The following ZNF148 variants were observed in gnomAD, a reference collection of about 807,000 sequenced individuals.
The protein encoded by ZNF148 is Beta-Enolase Repressor Factor-1.
ZNF148 carries 7 observed loss-of-function variants against 67.7 expected under a neutral mutation model. The observed-to-expected ratio is 0.10, with a 90% CI of 0.06 to 0.19. The LOEUF is 0.19. Among genes scored for constraint, ZNF148 ranks in the 10% least tolerant of loss-of-function variants. The pLI is 1.00. For synonymous variants in ZNF148, 333 were observed against 330.7 expected (o/e 1.01, Z -0.08); for missense variants, 583 against 947.1 (o/e 0.62, Z 5.05).
At position 125,347,645 on chromosome 3, in the gene ZNF148, G is replaced by A. The variant is rs187374990; in HGVS notation, c.-233-16407C>T. Among the ~76,000 whole-genome samples, 107 of 151,196 alleles carry A rather than the reference G, an allele frequency of 7.1e-4. 3 individuals are homozygous for A. In the East Asian group the frequency reaches 0.02, roughly 28 times the overall value. ...TGCAGTGGCACGATCTCAGCTCACT[G>A]CAAACTCCACCTCCTGGGTTCAAGT... is the stretch of plus-strand genomic sequence containing the variant. On this transcript the variant is annotated intron_variant, in intron 1 of 8. Coordinates refer to ENST00000360647, the MANE Select transcript of ZNF148 (RefSeq NM_021964.3).
At chr3:125,355,137 A>G (rs1273635987) in intron 1 of ZNF148, among the ~76,000 whole-genome samples, 2 of 152,204 alleles carry the variant, frequency 1.3e-5, no homozygotes, top group Non-Finnish European at 2.9e-5. Context: ...CTGTGTTCTA[A>G]TGTTCTAATA....
intron 1 of ZNF148, among the ~76,000 whole-genome samples, chr3:125,335,884 AAAGT>A (rs1490916238): frequency 1.3e-5 from 2 of 152,214 alleles, no homozygotes; most frequent in Admixed American, 6.5e-5. Flanking sequence ...TTTGCCTAGA[AAAGT>A]AAGATTGCTA....
intron 7 of ZNF148, among the ~76,000 whole-genome samples, chr3:125,250,845 C>T (rs1258523475): frequency 8.0e-6 from 1 of 124,280 alleles, no homozygotes; most frequent in Non-Finnish European, 1.7e-5. Context: ...TCTCTGTCAT[C>T]CCCATCCAGG....
At chr3:125,292,220 C>G (rs930946079) in intron 4 of ZNF148, among the ~76,000 whole-genome samples, 1 of 152,052 alleles carries the variant, frequency 6.6e-6, no homozygotes, top group African/African-American at 2.4e-5. Context: ...CTATATCTGT[C>G]CCGTTTGCCT....
At chr3:125,374,194 G>C (rs549427045) in intron 1 of ZNF148, among the ~76,000 whole-genome samples, 1 of 152,142 alleles carries the variant, frequency 6.6e-6, no homozygotes, top group African/African-American at 2.4e-5. Flanking sequence ...CTAATTCTCA[G>C]TGACCCCAAC....
At chr3:125,252,093 G>A (rs540222605) in intron 7 of ZNF148, among the ~76,000 whole-genome samples, 1 of 152,196 alleles carries the variant, frequency 6.6e-6, no homozygotes, top group South Asian at 2.1e-4. Context: ...TTGTGTTTCT[G>A]TGAAGTGTCT....
At chr3:125,283,663 A>T (rs1289757562) in intron 5 of ZNF148, among the ~76,000 whole-genome samples, 1 of 152,112 alleles carries the variant, frequency 6.6e-6, no homozygotes, top group Non-Finnish European at 1.5e-5. Context: ...TCTTATAATC[A>T]GTTCATCTTT....
chr3:125,310,301 A>G (rs1318132374), intron 4 of ZNF148, among the ~76,000 whole-genome samples: 1 of 152,034 alleles, frequency 6.6e-6, no homozygotes, highest in Non-Finnish European at 1.5e-5. Context: ...GCTAGTCTCA[A>G]ACTCCTGAGC....
chr3:125,313,647 G>C lies in ZNF148; in HGVS notation c.-7C>G, dbSNP rs1940340579. The C allele has an allele frequency of 6.3e-7, 1 of 1,598,952 alleles. No individual in the cohort carries two copies. The highest frequency in any genetic ancestry group is 1.1e-5 in the South Asian group (1 of 90,500). ...GTTTGTCGTCAATGTTCATGCTTAA[G>C]TATAACTGCCTAGAAAACCAAGTTT... is the stretch of plus-strand genomic sequence containing the variant. On this transcript the variant is annotated 5_prime_UTR_variant, in exon 4 of 9. Transcript: ENST00000360647.
At chr3:125,318,783 C>A (rs896227487) in intron 3 of ZNF148, among the ~76,000 whole-genome samples, 10 of 152,180 alleles carry the variant, frequency 6.6e-5, no homozygotes, top group African/African-American at 2.4e-4. Flanking sequence ...ATGAAAACTA[C>A]AACGGAGCAG....
chr3:125,332,814 A>G (rs752656268), intron 1 of ZNF148, among the ~76,000 whole-genome samples: 7 of 152,164 alleles, frequency 4.6e-5, no homozygotes, highest in Non-Finnish European at 7.4e-5. Flanking sequence ...CACTCTGCTA[A>G]ATTTAATTTG....
At chr3:125,282,494 T>C (rs1186168780) in intron 5 of ZNF148, among the ~76,000 whole-genome samples, 1 of 152,170 alleles carries the variant, frequency 6.6e-6, no homozygotes, top group Non-Finnish European at 1.5e-5. Flanking sequence ...TATGGTATAT[T>C]ACATAGACCA....
chr3:125,279,289 T>C, intron 5 of ZNF148, 42 bp from the exon 6 acceptor site: 1 of 1,444,444 alleles, frequency 6.9e-7, no homozygotes, highest in South Asian at 1.4e-5. Context: ...GAAATAAGTT[T>C]TTAAAATGTA....
At chr3:125,318,629 C>G (rs548556117) in intron 3 of ZNF148, among the ~76,000 whole-genome samples, 1 of 152,120 alleles carries the variant, frequency 6.6e-6, no homozygotes, top group Non-Finnish European at 1.5e-5. Flanking sequence ...TTGTAGAGAC[C>G]TTAGGCAGCT....
chr3:125,346,923 C>G (rs1255853610), intron 1 of ZNF148, among the ~76,000 whole-genome samples: 2 of 151,826 alleles, frequency 1.3e-5, no homozygotes, highest in Admixed American at 6.6e-5. Context: ...AAAAAACTGT[C>G]TCTATTTCCA....
At chr3:125,334,232 G>C (rs940650325) in intron 1 of ZNF148, among the ~76,000 whole-genome samples, 15 of 152,110 alleles carry the variant, frequency 9.9e-5, no homozygotes, top group African/African-American at 3.6e-4. Flanking sequence ...TATTAATTAA[G>C]CCAACATTTT....
At chr3:125,355,654 A>C (rs1273714296) in intron 1 of ZNF148, among the ~76,000 whole-genome samples, 1 of 151,992 alleles carries the variant, frequency 6.6e-6, no homozygotes, top group Admixed American at 6.6e-5. Flanking sequence ...TGGGAGGCCG[A>C]GGCAGGAGGA....
intron 1 of ZNF148, among the ~76,000 whole-genome samples, chr3:125,332,309 A>G (rs1428363827): frequency 2.0e-5 from 3 of 152,200 alleles, no homozygotes; most frequent in Non-Finnish European, 4.4e-5. Context: ...TTTGCAGCCA[A>G]GCATTCAAAA....
chr3:125,370,738 C>T (rs1423087304), intron 1 of ZNF148, among the ~76,000 whole-genome samples: 4 of 152,176 alleles, frequency 2.6e-5, no homozygotes, highest in Admixed American at 6.5e-5. Context: ...ATGACTCTAA[C>T]CTAACAGAGG....
Sources: gnomAD v4.1 joint callset for allele counts (sites outside exome capture counted in the v4.1 genomes callset) on GRCh38, gnomAD v4.1.1 for gene constraint, MANE v1.5 for transcripts, NCBI Gene and HGNC (gene_info 2026-07-23, HGNC 2026-07-21) for gene names.